TC2N: variants seen among roughly 807,000 people sequenced by gnomAD.
TC2N encodes tandem C2 domains, nuclear.
A neutral mutation model predicts 61.9 loss-of-function variants in TC2N; 51 were observed. The observed-to-expected ratio is 0.82, with a 90% confidence interval of 0.66 to 1.04. The LOEUF (loss-of-function observed/expected upper bound fraction) is 1.04, where lower values mean the gene tolerates loss of function less well. Among genes scored for constraint, TC2N ranks in the 50% least tolerant of loss-of-function variants. The pLI is 0.00. For synonymous variants in TC2N, 204 were observed against 192.6 expected (o/e 1.06, Z -0.49); for missense variants, 556 against 566.7 (o/e 0.98, Z 0.19).
At chr14:91,792,584 A>C in intron 8 of TC2N, 26 bp from the exon 9 acceptor site, 1 of 1,212,008 alleles carries the variant, frequency 8.3e-7, no homozygotes, top group Non-Finnish European at 1.1e-6. Flanking sequence ...AGAAAACATA[A>C]AATATATAAA....
At chr14:91,835,980 G>A (rs1005998892) in intron 1 of TC2N, among the ~76,000 whole-genome samples, 1 of 152,000 alleles carries the variant, frequency 6.6e-6, no homozygotes, top group African/African-American at 2.4e-5. Flanking sequence ...CCGCCCACCT[G>A]GCCAGCGGGG....
intron 9 of TC2N, among the ~76,000 whole-genome samples, 191 bp from the exon 10 acceptor site, chr14:91,787,818 T>A (rs10140522): frequency 0.96 from 146,298 of 152,182 alleles, 70,587 homozygotes; most frequent in East Asian, 1. Flanking sequence ...ATTTGCATGG[T>A]TTCTGAAAAT....
intron 3 of TC2N, among the ~76,000 whole-genome samples, chr14:91,808,552 A>C (rs1886624556): frequency 6.6e-6 from 1 of 152,162 alleles, no homozygotes; most frequent in Non-Finnish European, 1.5e-5. Flanking sequence ...CACATATTTA[A>C]CTTCTTTAAT....
At chr14:91,853,166 A>G (rs778895326) in intron 1 of TC2N, among the ~76,000 whole-genome samples, 3 of 152,216 alleles carry the variant, frequency 2.0e-5, no homozygotes, top group Non-Finnish European at 2.9e-5. Flanking sequence ...AAGCCATTGG[A>G]GAGTTTGGAG....
intron 6 of TC2N, among the ~76,000 whole-genome samples, chr14:91,798,661 C>A (rs1289636912): frequency 1.3e-5 from 2 of 151,920 alleles, no homozygotes; most frequent in Non-Finnish European, 2.9e-5. Context: ...TAAGAGAAAT[C>A]TTTCCAAATA....
Position 91,802,495 on chromosome 14 carries a change from G to A in TC2N, c.302-74C>T, listed in dbSNP as rs573758237. 135 of 1,379,390 alleles carry A rather than the reference G, an allele frequency of 9.8e-5. No homozygotes were observed. The African/African-American group carries it at 1.7e-3, about 17-fold the overall frequency. The allele number at this position is 1,379,390 out of a possible 1,614,324, so 85.4% of individuals were successfully genotyped here. On this transcript the variant is annotated intron_variant, in intron 3 of 11. Transcript: ENST00000435962. The stretch of plus-strand genomic sequence containing the variant: ...ATTAGCCAACAGCTGGTACACCCAG[G>A]GTAAAAGAAAAAATATTTTGTCTCA...
At chr14:91,811,816 T>C (rs911502157) in intron 3 of TC2N, among the ~76,000 whole-genome samples, 2 of 152,028 alleles carry the variant, frequency 1.3e-5, no homozygotes, top group African/African-American at 2.4e-5. Context: ...GTCCCTTATA[T>C]AAATGGTGTA....
At chr14:91,863,618 G>C (rs1888636717) in intron 1 of TC2N, among the ~76,000 whole-genome samples, 1 of 152,058 alleles carries the variant, frequency 6.6e-6, no homozygotes, top group African/African-American at 2.4e-5. Context: ...AAAAGACTTG[G>C]GTTCAGCAGA....
intron 1 of TC2N, among the ~76,000 whole-genome samples, chr14:91,825,654 C>T (rs192977967): frequency 8.5e-5 from 13 of 152,256 alleles, no homozygotes; most frequent in Admixed American, 3.3e-4. Context: ...TTTACTTTTG[C>T]ACCTTTGAAC....
chr14:91,805,510 T>C (rs935667401), intron 3 of TC2N, among the ~76,000 whole-genome samples: 2 of 152,054 alleles, frequency 1.3e-5, no homozygotes, highest in Non-Finnish European at 2.9e-5. Context: ...CTACTAAAAA[T>C]ACAAATTAGC....
At chr14:91,814,243 G>A (rs2086272488) in intron 1 of TC2N, among the ~76,000 whole-genome samples, 1 of 146,342 alleles carries the variant, frequency 6.8e-6, no homozygotes, top group Admixed American at 6.9e-5. Context: ...AGAGAAAGAA[G>A]AAAAAAGAAA....
chr14:91,840,613 G>A (rs11851541), intron 1 of TC2N, among the ~76,000 whole-genome samples: 2,892 of 152,076 alleles, frequency 0.019, 85 homozygotes, highest in African/African-American at 0.066. Flanking sequence ...TCCCTGAGTG[G>A]GCTTCAGGAG....
chr14:91,805,077 A>G (rs565877930), intron 3 of TC2N, among the ~76,000 whole-genome samples: 2 of 152,346 alleles, frequency 1.3e-5, no homozygotes, highest in African/African-American at 4.8e-5. Context: ...TTCTCTGTAT[A>G]ACAACATTGT....
chr14:91,820,845 C>A (rs764446535), intron 1 of TC2N, among the ~76,000 whole-genome samples: 1 of 151,884 alleles, frequency 6.6e-6, no homozygotes, highest in African/African-American at 2.4e-5. Context: ...GAAAACAATT[C>A]CATTCATAAT....
In TC2N at chr14:91,799,082, C is replaced by A. The variant is rs1204499635; in HGVS notation, c.562-18G>T. On this transcript the variant is annotated intron_variant, in intron 5 of 11. Coordinates refer to ENST00000435962, the MANE Select transcript of TC2N (RefSeq NM_001128596.3). Reference sequence around the variant, plus strand: ...TCATGTCTCTATAAATAAAATTATTCTTTAGTCAGAAATTGCATATGAAAC... The same window carrying A: ...TCATGTCTCTATAAATAAAATTATTATTTAGTCAGAAATTGCATATGAAAC... 6.6e-7 allele frequency: 1 copy of A among 1,523,444 alleles called. No homozygotes were observed. The highest frequency in any genetic ancestry group is 2.3e-5 in the East Asian group (1 of 42,712). The allele number at this position is 1,523,444 out of a possible 1,614,324, so 94.4% of individuals were successfully genotyped here.
chr14:91,820,381 T>C (rs1342995358), intron 1 of TC2N, among the ~76,000 whole-genome samples: 1 of 151,732 alleles, frequency 6.6e-6, no homozygotes, highest in Non-Finnish European at 1.5e-5. Context: ...AACTATAGGA[T>C]AATCTCAATA....
At chr14:91,862,109 G>A (rs568355769) in intron 1 of TC2N, among the ~76,000 whole-genome samples, 89 of 151,800 alleles carry the variant, frequency 5.9e-4, no homozygotes, top group African/African-American at 1.9e-3. Context: ...AGGCTGAGGC[G>A]GGCAGATCAC....
At chr14:91,794,759 A>G (rs1033107401) in intron 8 of TC2N, among the ~76,000 whole-genome samples, 1 of 152,152 alleles carries the variant, frequency 6.6e-6, no homozygotes, top group East Asian at 1.9e-4. Flanking sequence ...TGTTATTTTC[A>G]TGTCTGCAAA....
Position 91,796,066 on chromosome 14 carries a change from T to C in TC2N, c.855+1719A>G, listed in dbSNP as rs17127581. ...GAAAGATTCCATACAAGTTTTAATA[T>C]GGGAACATTTTTCCTAACTTTTCCT... On this transcript the variant is annotated intron_variant, in intron 8 of 11. Coordinates refer to ENST00000435962, the MANE Select transcript of TC2N (RefSeq NM_001128596.3). Among the ~76,000 whole-genome samples, 658 of 152,168 alleles carry C rather than the reference T, an allele frequency of 4.3e-3. 7 individuals are homozygous for C. The highest frequency in any genetic ancestry group is 0.015 in the African/African-American group (624 of 41,556).
Sources: gnomAD v4.1 joint callset for allele counts (sites outside exome capture counted in the v4.1 genomes callset) on GRCh38, gnomAD v4.1.1 for gene constraint, MANE v1.5 for transcripts, NCBI Gene and HGNC (gene_info 2026-07-23, HGNC 2026-07-21) for gene names.